Variants in TSGA10 observed in about 807,000 individuals in gnomAD.
TSGA10 encodes testis-specific gene 10 protein.
TSGA10 carries 43 observed loss-of-function variants against 96.6 expected under a neutral mutation model. The ratio of observed to expected loss-of-function variants is 0.44; its 90% CI spans 0.35 to 0.57. TSGA10 has a LOEUF of 0.57. Ranked by LOEUF, TSGA10 falls within the 20% of genes least tolerant of loss-of-function variation. The probability of loss-of-function intolerance (pLI) is 0.01; values close to 1 mark genes in which losing one functional copy is unlikely to be tolerated. For missense variants in TSGA10, 703 were observed against 834.4 expected, an observed-to-expected ratio of 0.84 and a Z score of 1.94; for synonymous variants, 229 against 269.9, an observed-to-expected ratio of 0.85 and a Z score of 1.48.
chr2:99,016,221 C>A (rs1023597086), intron 20 of TSGA10, among the ~76,000 whole-genome samples: 1 of 152,124 alleles, frequency 6.6e-6, no homozygotes, highest in African/African-American at 2.4e-5. Context: ...AATCTGGAGG[C>A]ATCACATTAC....
intron 5 of TSGA10, 89 bp from the exon 6 acceptor site, chr2:99,109,601 A>G: frequency 9.2e-7 from 1 of 1,087,224 alleles, no homozygotes; most frequent in African/African-American, 1.6e-5. Context: ...AAGCTAAACT[A>G]TAGCATCATT....
At chr2:99,045,795 G>C (rs186411497) in intron 16 of TSGA10, among the ~76,000 whole-genome samples, 1 of 152,286 alleles carries the variant, frequency 6.6e-6, no homozygotes, top group African/African-American at 2.4e-5. Context: ...TGGCAAATTT[G>C]ATAGAGTCAA....
At chr2:99,087,465 C>T (rs2088675462) in intron 10 of TSGA10, among the ~76,000 whole-genome samples, 1 of 152,144 alleles carries the variant, frequency 6.6e-6, no homozygotes, top group African/African-American at 2.4e-5. Flanking sequence ...GAGATGGCAC[C>T]ACTGCACTCC....
At chr2:99,018,117 T>C in intron 20 of TSGA10, 83 bp downstream of exon 20, 1 of 1,411,110 alleles carries the variant, frequency 7.1e-7, no homozygotes, top group Non-Finnish European at 9.7e-7. Context: ...GATAGACTAT[T>C]GAGTTTCCTT....
At chr2:99,071,164 G>A (rs1335055072) in intron 14 of TSGA10, among the ~76,000 whole-genome samples, 2 of 151,986 alleles carry the variant, frequency 1.3e-5, no homozygotes, top group Non-Finnish European at 2.9e-5. Flanking sequence ...TTTTGAGAAG[G>A]GAAGAAATTT....
intron 10 of TSGA10, chr2:99,102,649 A>T (rs2090904116): frequency 4.3e-6 from 7 of 1,613,972 alleles, no homozygotes; most frequent in Non-Finnish European, 5.9e-6. Context: ...GAGTCAGCTG[A>T]CAAATTCTAT....
chr2:99,076,496 A>AT (rs989907782), intron 12 of TSGA10, among the ~76,000 whole-genome samples: 17 of 151,930 alleles, frequency 1.1e-4, no homozygotes, highest in African/African-American at 3.6e-4. Flanking sequence ...TACTTTTATG[A>AT]TTTTTTTGCT....
intron 1 of TSGA10, among the ~76,000 whole-genome samples, chr2:99,146,849 G>A (rs1463412800): frequency 2.0e-5 from 3 of 152,040 alleles, no homozygotes; most frequent in Non-Finnish European, 2.9e-5. Flanking sequence ...GGCTGGTCTC[G>A]AACTCCTGAC....
In TSGA10 at chr2:99,010,767, C is replaced by A. The variant is rs540551063; in HGVS notation, c.2072+7433G>T. 2.0e-5 allele frequency among the ~76,000 whole-genome samples: 3 copies of A among 152,274 alleles called. No individual in the cohort carries two copies. In the South Asian group the frequency reaches 6.2e-4, roughly 32 times the overall value. ...GAGTCCAGGGGACGAGTGGAAGCTG[C>A]TGCAGATAGGAGCCAGGGCAAGAAT... On this transcript the variant is annotated intron_variant, in intron 20 of 20. Coordinates refer to ENST00000393483, the MANE Select transcript of TSGA10 (RefSeq NM_025244.4).
chr2:99,152,872 C>CAAAA (rs967741272), intron 1 of TSGA10, among the ~76,000 whole-genome samples: 5 of 151,908 alleles, frequency 3.3e-5, no homozygotes, highest in African/African-American at 1.2e-4. Context: ...AGGAGCATGG[C>CAAAA]TTTTAGACTT....
intron 2 of TSGA10, among the ~76,000 whole-genome samples, chr2:99,120,613 A>G (rs1020053659): frequency 2.0e-5 from 3 of 152,204 alleles, no homozygotes; most frequent in African/African-American, 4.8e-5. Flanking sequence ...TTATTTTTAA[A>G]TAAGATTCAC....
At chr2:99,041,696 A>G (rs886624508) in intron 16 of TSGA10, among the ~76,000 whole-genome samples, 2 of 152,212 alleles carry the variant, frequency 1.3e-5, no homozygotes, top group African/African-American at 4.8e-5. Context: ...ATGATCAAAG[A>G]CTTAAATCTA....
At chr2:99,133,132 C>A (rs139757307) in intron 1 of TSGA10, among the ~76,000 whole-genome samples, 1 of 152,084 alleles carries the variant, frequency 6.6e-6, no homozygotes, top group Admixed American at 6.6e-5. Flanking sequence ...AAGTTCAAGT[C>A]CTGAATATCC....
At chr2:99,042,629 T>C (rs1238679506) in intron 16 of TSGA10, among the ~76,000 whole-genome samples, 1 of 152,134 alleles carries the variant, frequency 6.6e-6, no homozygotes, top group African/African-American at 2.4e-5. Flanking sequence ...GTCTGTGCTA[T>C]ACTGACTACA....
At chr2:99,014,381 T>C (rs985746573) in intron 20 of TSGA10, among the ~76,000 whole-genome samples, 2 of 152,156 alleles carry the variant, frequency 1.3e-5, no homozygotes, top group Admixed American at 6.5e-5. Context: ...CATCTGATCT[T>C]GAGTGATCTT....
intron 16 of TSGA10, among the ~76,000 whole-genome samples, chr2:99,062,028 T>C (rs532612927): frequency 6.6e-6 from 1 of 152,276 alleles, no homozygotes; most frequent in Admixed American, 6.5e-5. Flanking sequence ...TGATCTTAGA[T>C]TTCCAGTCTC....
intron 1 of TSGA10, among the ~76,000 whole-genome samples, chr2:99,144,676 C>A (rs1308079349): frequency 1.4e-5 from 1 of 69,986 alleles, no homozygotes; most frequent in Admixed American, 1.4e-4. Flanking sequence ...AAAAAAGATG[C>A]TGAAAGCATG....
intron 16 of TSGA10, among the ~76,000 whole-genome samples, chr2:99,049,181 A>C (rs2104332084): frequency 6.6e-6 from 1 of 152,346 alleles, no homozygotes; most frequent in African/African-American, 2.4e-5. Flanking sequence ...GTGATTCCTC[A>C]AGGATTTAGA....
intron 2 of TSGA10, among the ~76,000 whole-genome samples, chr2:99,119,650 T>G (rs978364702): frequency 1.3e-4 from 20 of 152,198 alleles, no homozygotes; most frequent in African/African-American, 4.8e-4. Flanking sequence ...ACCTGGTTTG[T>G]TCTTACCCTA....
Sources: gnomAD v4.1 joint callset for allele counts (sites outside exome capture counted in the v4.1 genomes callset) on GRCh38, gnomAD v4.1.1 for gene constraint, MANE v1.5 for transcripts, NCBI Gene and HGNC (gene_info 2026-07-23, HGNC 2026-07-21) for gene names.